PSMA3: variants seen among roughly 807,000 people sequenced by gnomAD.
PSMA3 encodes proteasome 20S subunit alpha 3, also known as proteasome subunit alpha type-3.
In PSMA3, 8 loss-of-function variants were observed where a neutral mutation model predicts 40.0. The observed-to-expected ratio is 0.20, with a 90% CI of 0.12 to 0.36. The LOEUF (loss-of-function observed/expected upper bound fraction) is 0.36. PSMA3 is among the 10% of genes least tolerant of loss of function. The pLI is 1.00. For synonymous variants in PSMA3, 110 were observed against 100.0 expected (o/e 1.10, Z -0.59); for missense variants, 219 against 310.6 (o/e 0.70, Z 2.22).
chr14:58,270,527 G>C (rs1890583889), intron 9 of PSMA3, 42 bp downstream of exon 9: 2 of 1,609,632 alleles, frequency 1.2e-6, no homozygotes, highest in African/African-American at 1.3e-5. Flanking sequence ...GGAATGATCT[G>C]TACCACAGCT....
At chr14:58,250,118 G>T (rs533857805) in intron 2 of PSMA3, among the ~76,000 whole-genome samples, 1 of 149,696 alleles carries the variant, frequency 6.7e-6, no homozygotes, top group South Asian at 2.1e-4. Flanking sequence ...TACTTGGGAG[G>T]TTGAGACAGG....
At chr14:58,260,784 ATAGTTT>A (rs1199143239) in intron 5 of PSMA3, among the ~76,000 whole-genome samples, 158 bp from the exon 6 acceptor site, 2 of 152,264 alleles carry the variant, frequency 1.3e-5, no homozygotes, top group African/African-American at 4.8e-5. Context: ...ATCTCATGTA[ATAGTTT>A]TAATTAATTG....
At chr14:58,270,124 G>A (rs765335858) in intron 8 of PSMA3, 1 of 257,592 alleles carries the variant, frequency 3.9e-6, no homozygotes, top group Non-Finnish European at 7.5e-6. Context: ...GGGATTACAG[G>A]TGTGAGCCAC....
intron 5 of PSMA3, among the ~76,000 whole-genome samples, 196 bp from the exon 6 acceptor site, chr14:58,260,750 CAA>C (rs751661483): frequency 1.3e-5 from 2 of 152,138 alleles, no homozygotes; most frequent in Non-Finnish European, 2.9e-5. Flanking sequence ...ACTAAACAAA[CAA>C]AAGCTACATG....
intron 7 of PSMA3, among the ~76,000 whole-genome samples, chr14:58,264,418 G>A (rs1280069864): frequency 6.6e-6 from 1 of 152,120 alleles, no homozygotes. Flanking sequence ...GTGTGAAAAA[G>A]TTTTCTTAAA....
In PSMA3 at chr14:58,259,351, G is replaced by T. The variant is rs1422509278; in HGVS notation, c.404+1353G>T. On this transcript the variant is annotated intron_variant, in intron 5 of 10. Coordinates refer to ENST00000216455, the MANE Select transcript of PSMA3 (RefSeq NM_002788.4). ...TTGTTTTGAGATGGAGTCTCGCTCT[G>T]TCGCCCAGGCTGGAATGCAGTGGCA... Among the ~76,000 whole-genome samples the T allele has an allele frequency of 4.0e-5, 6 of 151,866 alleles. No homozygotes were observed. In the East Asian group the frequency reaches 1.2e-3, roughly 29 times the overall value.
chr14:58,256,149 C>T (rs1021777355), intron 3 of PSMA3, among the ~76,000 whole-genome samples: 2 of 151,926 alleles, frequency 1.3e-5, no homozygotes, highest in African/African-American at 2.4e-5. Flanking sequence ...CCACCGTGCC[C>T]GGCCTAGTAA....
intron 5 of PSMA3, among the ~76,000 whole-genome samples, chr14:58,258,762 A>C (rs533572379): frequency 6.6e-6 from 1 of 152,150 alleles, no homozygotes; most frequent in African/African-American, 2.4e-5. Flanking sequence ...AAATGAAAAG[A>C]CATGTTTGGC....
At chr14:58,254,058 C>T (rs1239537337) in intron 3 of PSMA3, among the ~76,000 whole-genome samples, 1 of 151,564 alleles carries the variant, frequency 6.6e-6, no homozygotes, top group African/African-American at 2.4e-5. Flanking sequence ...CTCCTCCCAC[C>T]CTCCACCCTC....
intron 1 of PSMA3, among the ~76,000 whole-genome samples, chr14:58,247,009 C>T (rs1031955408): frequency 6.6e-6 from 1 of 152,212 alleles, no homozygotes; most frequent in Non-Finnish European, 1.5e-5. Context: ...CTTTCTGCTG[C>T]TTACAGTGCT....
intron 1 of PSMA3, among the ~76,000 whole-genome samples, chr14:58,246,604 G>A (rs1365849673): frequency 6.6e-6 from 1 of 152,020 alleles, no homozygotes; most frequent in African/African-American, 2.4e-5. Flanking sequence ...TCACCATGTT[G>A]GCCAGGATGG....
Position 58,247,748 on chromosome 14 carries a change from A to G in PSMA3, c.22-2A>G. The G allele has an allele frequency of 6.3e-7, 1 of 1,590,614 alleles. No homozygotes were observed. The highest frequency in any genetic ancestry group is 2.2e-5 in the East Asian group (1 of 44,704). On this transcript the variant is annotated splice_acceptor_variant, in intron 1 of 10. Transcript: ENST00000216455. LOFTEE classifies it high-confidence loss of function. ...GCTTACTGTTGCCCTTTTCTCCTTAAGTATGACCTGTCAGCCTCTACATTC... is the reference window on the plus strand; with the variant it reads ...GCTTACTGTTGCCCTTTTCTCCTTAGGTATGACCTGTCAGCCTCTACATTC...
rs140456618 is a variant in PSMA3 at position 58,259,300 on chromosome 14, A to G, written c.404+1302A>G. Reference sequence around the variant, plus strand: ...AGAATAGTAGAGATAACTTTTTTTCATAACTTTTTTTTTGTTTGTTTTGTT... The same window carrying G: ...AGAATAGTAGAGATAACTTTTTTTCGTAACTTTTTTTTTGTTTGTTTTGTT... On this transcript the variant is annotated intron_variant, in intron 5 of 10. Transcript: ENST00000216455. Among the ~76,000 whole-genome samples, 167 of 151,888 alleles carry G rather than the reference A, an allele frequency of 1.1e-3. 2 individuals carry two copies. Among genetic ancestry groups the G allele is most frequent in the African/African-American group, 3.8e-3 (156 of 41,444 alleles).
chr14:58,245,816 T>A (rs977055700), intron 1 of PSMA3, among the ~76,000 whole-genome samples: 2 of 152,230 alleles, frequency 1.3e-5, no homozygotes, highest in South Asian at 4.1e-4. Context: ...AAGATTCTCA[T>A]GCTCAGCCTT....
chr14:58,261,075 G>C (rs894213134), intron 6 of PSMA3, 55 bp downstream of exon 6: 2 of 1,180,312 alleles, frequency 1.7e-6, no homozygotes, highest in Non-Finnish European at 2.5e-6. Flanking sequence ...TATTTCATTA[G>C]CATTTAAGTC....
intron 3 of PSMA3, among the ~76,000 whole-genome samples, chr14:58,254,421 T>C (rs1890099370): frequency 7.1e-6 from 1 of 140,782 alleles, no homozygotes; most frequent in Non-Finnish European, 1.5e-5. Flanking sequence ...CACTGCAGCC[T>C]TGCGCTCCTG....
intron 3 of PSMA3, among the ~76,000 whole-genome samples, chr14:58,253,854 A>AC (rs1320562996): frequency 6.6e-6 from 1 of 152,224 alleles, no homozygotes; most frequent in Non-Finnish European, 1.5e-5. Context: ...TTGGCCTCCC[A>AC]AAGTGCTGGG....
chr14:58,264,450 A>C (rs1173772599), intron 7 of PSMA3, among the ~76,000 whole-genome samples: 1 of 152,190 alleles, frequency 6.6e-6, no homozygotes, highest in East Asian at 1.9e-4. Context: ...CCTTTTAGCC[A>C]TGCGTTGATC....
chr14:58,263,203 T>TC (rs1404851848), intron 6 of PSMA3, among the ~76,000 whole-genome samples: 1 of 152,092 alleles, frequency 6.6e-6, no homozygotes, highest in Non-Finnish European at 1.5e-5. Flanking sequence ...CAGGCCGGTC[T>TC]CCAACTCCTG....
Sources: gnomAD v4.1 joint callset for allele counts (sites outside exome capture counted in the v4.1 genomes callset) on GRCh38, gnomAD v4.1.1 for gene constraint, MANE v1.5 for transcripts, NCBI Gene and HGNC (gene_info 2026-07-23, HGNC 2026-07-21) for gene names.